Variants in FAM171A1 observed in about 807,000 individuals in gnomAD.
The protein encoded by FAM171A1 is protein FAM171A1.
In FAM171A1, 23 loss-of-function variants were observed where a neutral mutation model predicts 74.9. That is an observed-to-expected ratio of 0.31 (90% CI 0.22 to 0.44). The LOEUF (loss-of-function observed/expected upper bound fraction) is 0.44, where lower values mean the gene tolerates loss of function less well. Ranked by LOEUF, FAM171A1 falls within the 20% of genes least tolerant of loss-of-function variation. The pLI, the probability that FAM171A1 is intolerant of heterozygous loss-of-function variation, is 1.00. For synonymous variants in FAM171A1, 527 were observed against 505.7 expected, an observed-to-expected ratio of 1.04 and a Z score of -0.57; for missense variants, 1,162 against 1,159.2, an observed-to-expected ratio of 1.00 and a Z score of -0.03.
chr10:15,351,168 T>G (rs1457358798), intron 1 of FAM171A1, among the ~76,000 whole-genome samples: 3 of 152,230 alleles, frequency 2.0e-5, no homozygotes, highest in African/African-American at 7.2e-5. Flanking sequence ...ATTCTTTTTA[T>G]CTTTGCTCAG....
At chr10:15,241,820 C>T (rs979712168) in intron 5 of FAM171A1, 4 of 152,086 alleles carry the variant, frequency 2.6e-5, no homozygotes, top group African/African-American at 9.7e-5. Context: ...AGTTAGCAGG[C>T]TTTGCATTAA....
chr10:15,314,010 T>C (rs1373357372), intron 1 of FAM171A1, among the ~76,000 whole-genome samples: 4 of 152,210 alleles, frequency 2.6e-5, no homozygotes, highest in Non-Finnish European at 5.9e-5. Context: ...CCTGTTATCT[T>C]TCCTGAAGCC....
At chr10:15,348,767 A>G (rs1028857385) in intron 1 of FAM171A1, among the ~76,000 whole-genome samples, 3 of 152,244 alleles carry the variant, frequency 2.0e-5, no homozygotes, top group Admixed American at 6.5e-5. Flanking sequence ...TTCGTGACGC[A>G]GTTGAGCAGT....
intron 1 of FAM171A1, among the ~76,000 whole-genome samples, chr10:15,359,603 A>G (rs1156535377): frequency 6.6e-6 from 1 of 152,198 alleles, no homozygotes; most frequent in African/African-American, 2.4e-5. Context: ...GGAACCTGTC[A>G]ATACATTGTG....
chr10:15,255,031 C>A, intron 3 of FAM171A1, 152 bp from the exon 4 acceptor site: 1 of 628,536 alleles, frequency 1.6e-6, no homozygotes, highest in Non-Finnish European at 2.8e-6. Flanking sequence ...ATGCAGGACA[C>A]AGAGATGTGA....
At chr10:15,270,649 A>G (rs532518945) in intron 3 of FAM171A1, among the ~76,000 whole-genome samples, 1 of 152,306 alleles carries the variant, frequency 6.6e-6, no homozygotes, top group African/African-American at 2.4e-5. Flanking sequence ...CTGACACCTC[A>G]TACGGCTGGG....
intron 1 of FAM171A1, among the ~76,000 whole-genome samples, chr10:15,343,311 G>C (rs369631496): frequency 6.6e-6 from 1 of 152,148 alleles, no homozygotes; most frequent in African/African-American, 2.4e-5. Flanking sequence ...CGAGGCTATA[G>C]TGAGCTATGA....
intron 1 of FAM171A1, among the ~76,000 whole-genome samples, chr10:15,323,184 G>C (rs1398205383): frequency 1.3e-5 from 2 of 151,790 alleles, no homozygotes; most frequent in African/African-American, 4.8e-5. Flanking sequence ...GCCGGGTGTG[G>C]TGGCTCATGC....
At chr10:15,263,089 A>G (rs1466438527) in intron 3 of FAM171A1, among the ~76,000 whole-genome samples, 2 of 152,208 alleles carry the variant, frequency 1.3e-5, no homozygotes, top group Non-Finnish European at 2.9e-5. Context: ...GGAGCCAAGC[A>G]GAGGATGGAG....
At position 15,214,167 on chromosome 10, in the gene FAM171A1, C is replaced by G; in HGVS notation, c.1421G>C (p.Arg474Thr). The G allele has an allele frequency of 1.2e-6, 2 of 1,614,206 alleles. No individual in the cohort carries two copies. The highest frequency in any genetic ancestry group is 2.2e-5 in the East Asian group (1 of 44,878). Reference sequence around the variant, plus strand: ...ATTGCCCGAGGACTCGTAGCCTTCTCTTTCCATAGATTTTCTTGCCTTTAA... The same window carrying G: ...ATTGCCCGAGGACTCGTAGCCTTCTGTTTCCATAGATTTTCTTGCCTTTAA... ...FPLKARKSME[R>T]EGYESSGNDD... The change falls in exon 8 of 8, where the codon AGA (arginine) becomes ACA (threonine). Residue 474 changes from arginine (R) to threonine (T), a missense_variant. Arg to Thr is a moderately conservative substitution (Grantham distance 71). Transcript: ENST00000378116.
At chr10:15,285,017 C>G (rs1294896721) in intron 1 of FAM171A1, among the ~76,000 whole-genome samples, 1 of 149,678 alleles carries the variant, frequency 6.7e-6, no homozygotes, top group Non-Finnish European at 1.5e-5. Context: ...ATCTGGGAAA[C>G]AAACAGAATG....
rs117095882 is a variant in FAM171A1 at position 15,333,780 on chromosome 10, G to A, written c.97+37176C>T. On this transcript the variant is annotated intron_variant, in intron 1 of 7. Transcript: ENST00000378116. The stretch of plus-strand genomic sequence containing the variant: ...GAGGCTGGGAGGCAGAGGTTGCAGT[G>A]TAGTGATTGTGCCACTGCACTCTAG... Among the ~76,000 whole-genome samples the A allele has an allele frequency of 7.3e-4, 111 of 152,096 alleles. 1 individual carries two copies. The East Asian group carries it at 0.019, about 25-fold the overall frequency.
intron 1 of FAM171A1, among the ~76,000 whole-genome samples, chr10:15,352,836 C>T (rs1835894570): frequency 6.6e-6 from 1 of 152,222 alleles, no homozygotes; most frequent in Non-Finnish European, 1.5e-5. Flanking sequence ...AGTTTACTTT[C>T]ACCATGTAAT....
chr10:15,326,426 T>C (rs1250036751), intron 1 of FAM171A1, among the ~76,000 whole-genome samples: 1 of 152,092 alleles, frequency 6.6e-6, no homozygotes, highest in East Asian at 1.9e-4. Context: ...GCGATTCTCC[T>C]GTCTCAGCCT....
At chr10:15,246,152 G>C (rs1418776295) in intron 5 of FAM171A1, among the ~76,000 whole-genome samples, 1 of 151,820 alleles carries the variant, frequency 6.6e-6, no homozygotes, top group African/African-American at 2.4e-5. Flanking sequence ...CAGGATATGT[G>C]AACAGATTAT....
At chr10:15,241,679 T>C (rs1336625684) in intron 5 of FAM171A1, 1 of 152,214 alleles carries the variant, frequency 6.6e-6, no homozygotes, top group Non-Finnish European at 1.5e-5. Context: ...GATATATACA[T>C]CAAGCTAATT....
chr10:15,359,638 T>C (rs576623288), intron 1 of FAM171A1, among the ~76,000 whole-genome samples: 12 of 152,278 alleles, frequency 7.9e-5, no homozygotes, highest in African/African-American at 2.4e-4. Context: ...CAGAGGTCAT[T>C]AGGGCTATGG....
At chr10:15,316,691 G>A (rs1835426316) in intron 1 of FAM171A1, among the ~76,000 whole-genome samples, 1 of 152,162 alleles carries the variant, frequency 6.6e-6, no homozygotes, top group African/African-American at 2.4e-5. Flanking sequence ...TTACCTGACT[G>A]GCAGAAATCC....
chr10:15,307,835 A>G (rs1333111538), intron 1 of FAM171A1, among the ~76,000 whole-genome samples: 1 of 148,468 alleles, frequency 6.7e-6, no homozygotes, highest in Non-Finnish European at 1.5e-5. Context: ...TTGAGACAGC[A>G]TTTTGTTCTG....
Sources: allele counts gnomAD v4.1 joint callset (sites outside exome capture counted in the v4.1 genomes callset), GRCh38; gene constraint gnomAD v4.1.1; transcripts MANE v1.5; gene names NCBI Gene and HGNC (gene_info 2026-07-23, HGNC 2026-07-21).